The following BRD9 variants were observed in gnomAD, a reference collection of about 807,000 sequenced individuals.
BRD9 encodes the protein bromodomain-containing protein 9.
Under a neutral mutation model 68.7 loss-of-function variants are expected in BRD9, and 47 were observed. That is an observed-to-expected ratio of 0.68 (90% CI 0.54 to 0.87). The LOEUF (loss-of-function observed/expected upper bound fraction) is 0.87, where lower values mean the gene tolerates loss of function less well. Ranked by LOEUF, BRD9 falls within the 40% of genes least tolerant of loss-of-function variation. The pLI is 0.00. For synonymous variants in BRD9, 313 were observed against 293.9 expected (o/e 1.06, Z -0.67); for missense variants, 670 against 748.4 (o/e 0.90, Z 1.22).
intron 3 of BRD9, chr5:890,061 T>C (rs567911813): frequency 5.5e-5 from 19 of 344,462 alleles, no homozygotes; most frequent in Non-Finnish European, 9.7e-5. Flanking sequence ...GCCGGCGTGG[T>C]GGTGCGTGCC....
chr5:886,659 G>A lies in BRD9; in HGVS notation c.766C>T (p.Pro256Ser). 2.5e-6 allele frequency: 4 copies of A among 1,614,014 alleles called. No individual in the cohort carries two copies. Among genetic ancestry groups the A allele is most frequent in the Non-Finnish European group, 3.4e-6 (4 of 1,179,988 alleles). The change falls in exon 7 of 16, where the codon CCT becomes TCT. Residue 256 changes from proline (P) to serine (S), a missense_variant. Physicochemically the swap from Pro to Ser is moderately conservative, Grantham distance 74. Around this residue, in one of 5 missense-constraint regions of BRD9, gnomAD observed 135 missense variants for 141.2 expected, o/e 0.96. Transcript: ENST00000467963. ...TCTACTTGTACTGGTACAACTTCAG[G>A]GACAGGTTCCTCAACAGCTGTATCT... ...NEDTAVEEPV[P>S]EVVPVQVETA...
rs1289094310 is a variant in BRD9, at chr5:876,189, G to C, written c.1295C>G (p.Ala432Gly). The C allele has an allele frequency of 1.2e-6, 2 of 1,613,708 alleles. No homozygotes were observed. The highest frequency in any genetic ancestry group is 3.3e-5 in the Admixed American group (2 of 60,006). Residue 432 changes from alanine (A) to glycine (G), a missense_variant, in exon 12 of 16, where the codon GCT becomes GGT. Ala to Gly is a moderately conservative substitution (Grantham distance 60). Coordinates refer to ENST00000467963, the MANE Select transcript of BRD9 (RefSeq NM_023924.5). ...ALSLQEFVKD[A>G]GSYSKKVVDD... The stretch of plus-strand genomic sequence containing the variant: ...CACCACTTTCTTGCTGTAGCTCCCA[G>C]CATCCTTCACAAACTCCTGCAGGCT...
chr5:875,504 C>G (rs886719850), intron 12 of BRD9, among the ~76,000 whole-genome samples: 2 of 152,040 alleles, frequency 1.3e-5, no homozygotes, highest in Non-Finnish European at 2.9e-5. Flanking sequence ...CCTGCCACCA[C>G]GCCCAGCTAA....
At position 865,594 on chromosome 5, in the gene BRD9, G is replaced by C; in HGVS notation, c.1526-13C>G. 1 of 1,579,176 alleles carries C rather than the reference G, an allele frequency of 6.3e-7. No individual in the cohort carries two copies. On this transcript the variant is annotated splice_polypyrimidine_tract_variant and intron_variant, in intron 14 of 15. Coordinates refer to ENST00000467963, the MANE Select transcript of BRD9 (RefSeq NM_023924.5). The stretch of plus-strand genomic sequence containing the variant: ...TTCTTCACCTTCCCTGTGTAAACAG[G>C]ACATGACCCCACGTCGGCTGAGCTC...
In BRD9 at chr5:892,745, T is replaced by C. The variant is rs1032483275; in HGVS notation, c.-88A>G. The C allele has an allele frequency of 2.5e-6, 3 of 1,195,522 alleles. No individual in the cohort carries two copies. The highest frequency in any genetic ancestry group is 3.2e-5 in the African/African-American group (2 of 62,902). 74.1% of individuals were successfully genotyped at this position (1,195,522 alleles called of 1,614,324 possible). On this transcript the variant is annotated 5_prime_UTR_variant, in exon 1 of 16. Transcript: ENST00000467963. ...GCCGCCACCGCCCCCTGGCCCTGGCTGGCCGCCCGCGCTCGCTGCGCCGAG... is the reference window on the plus strand; with the variant it reads ...GCCGCCACCGCCCCCTGGCCCTGGCCGGCCGCCCGCGCTCGCTGCGCCGAG...
rs541660412 is a variant in BRD9 at position 892,756 on chromosome 5, G to C, written c.-99C>G. 1.7e-5 allele frequency: 20 copies of C among 1,163,070 alleles called. No individual in the cohort carries two copies. In the African/African-American group the frequency reaches 3.2e-4, roughly 19 times the overall value. 72.0% of individuals were successfully genotyped at this position (1,163,070 alleles called of 1,614,324 possible). A position where few individuals can be genotyped will look rare whatever the true frequency, so the allele number is the denominator to read the frequency against. The stretch of plus-strand genomic sequence containing the variant: ...CCCCTGGCCCTGGCTGGCCGCCCGC[G>C]CTCGCTGCGCCGAGGTTGCCGAGCT... On this transcript the variant is annotated 5_prime_UTR_variant, in exon 1 of 16. Transcript: ENST00000467963.
At chr5:889,858 T>C (rs1318252865) in intron 3 of BRD9, 1 of 1,031,764 alleles carries the variant, frequency 9.7e-7, no homozygotes, top group Non-Finnish European at 1.4e-6. Context: ...GTCATAAAAA[T>C]CTCTTGTAAT....
At chr5:881,795 G>C (rs113100724) in intron 8 of BRD9, 2,431 of 154,744 alleles carry the variant, frequency 0.016, 67 homozygotes, top group African/African-American at 0.055. Context: ...TCCCCACCGC[G>C]GATCCATGCA....
At chr5:891,456 G>A in intron 2 of BRD9, 169 bp from the exon 3 acceptor site, 2 of 1,318,216 alleles carry the variant, frequency 1.5e-6, no homozygotes, top group East Asian at 2.5e-5. Context: ...AGGGTCTGCT[G>A]AGGAACAGCA....
At position 883,853 on chromosome 5, in the gene BRD9, A is replaced by G; in HGVS notation, c.966+85T>C. ...CTCTGGATCCCGGTGGCTGTGCTAG[A>G]TCACACAGCACCAACCCAGAAGGAG... On this transcript the variant is annotated intron_variant, in intron 8 of 15. Transcript: ENST00000467963. 7 of 1,536,192 alleles carry G rather than the reference A, an allele frequency of 4.6e-6. No homozygotes were observed. In the South Asian group the frequency reaches 7.1e-5, roughly 16 times the overall value.
At chr5:882,424 C>G (rs1452321276) in intron 8 of BRD9, 1 of 160,606 alleles carries the variant, frequency 6.2e-6, no homozygotes, top group Non-Finnish European at 1.4e-5. Flanking sequence ...CAGACCACAA[C>G]TTCCCAACAC....
chr5:892,691 G>A lies in BRD9; in HGVS notation c.-34C>T, dbSNP rs1436419409. 2 of 1,377,764 alleles carry A rather than the reference G, an allele frequency of 1.5e-6. No homozygotes were observed. The highest frequency in any genetic ancestry group is 3.6e-5 in the Admixed American group (1 of 27,520). The allele number at this position is 1,377,764 out of a possible 1,614,324, so 85.3% of individuals were successfully genotyped here. A position where few individuals can be genotyped will look rare whatever the true frequency, so the allele number is the denominator to read the frequency against. On this transcript the variant is annotated 5_prime_UTR_variant, in exon 1 of 16. Coordinates refer to ENST00000467963, the MANE Select transcript of BRD9 (RefSeq NM_023924.5). Reference sequence around the variant, plus strand: ...CGGCGGCGGGCCCGAGGCGGGGGCTGGGAACAGCTGGCACCCGGTCGGACC... The same window carrying A: ...CGGCGGCGGGCCCGAGGCGGGGGCTAGGAACAGCTGGCACCCGGTCGGACC...
intron 12 of BRD9, 68 bp downstream of exon 12, chr5:876,033 G>T: frequency 9.0e-7 from 1 of 1,109,222 alleles, no homozygotes; most frequent in Non-Finnish European, 1.3e-6. Flanking sequence ...TGGTCAGGCT[G>T]CAGGCTCTTC....
intron 8 of BRD9, chr5:883,576 C>T: frequency 1.5e-5 from 6 of 393,206 alleles, no homozygotes; most frequent in Non-Finnish European, 2.9e-5. Context: ...ACACCAGCAC[C>T]CCCACTGGAA....
intron 6 of BRD9, chr5:886,913 G>C (rs1300842024): frequency 2.3e-6 from 2 of 870,950 alleles, no homozygotes; most frequent in African/African-American, 3.4e-5. Context: ...GGTGGTTGTG[G>C]GGGCTTGACC....
At chr5:889,724 C>A (rs1235755378) in intron 3 of BRD9, 77 bp from the exon 4 acceptor site, 1 of 1,589,394 alleles carries the variant, frequency 6.3e-7, no homozygotes, top group Admixed American at 1.7e-5. Context: ...TTCACAGTAT[C>A]TGTCTGTCTG....
At position 865,436 on chromosome 5, in the gene BRD9, G is replaced by C. The variant is rs373587422; in HGVS notation, c.1671C>G (p.Ser557=). The C allele has an allele frequency of 3.8e-6, 6 of 1,588,044 alleles. No homozygotes were observed. Among genetic ancestry groups the C allele is most frequent in the Non-Finnish European group, 5.2e-6 (6 of 1,163,562 alleles). The part of the protein sequence containing the change: ...SSNLSSLSNA[S]ERDQHHLGSP... Reference sequence around the variant, plus strand: ...CACCCAGGTGGTGCTGGTCCCTCTCGGAGGCGTTGGACAGGGAGCTGAGGT... The same window carrying C: ...CACCCAGGTGGTGCTGGTCCCTCTCCGAGGCGTTGGACAGGGAGCTGAGGT... The change falls in exon 15 of 16, where the codon TCC becomes TCG. Residue 557 remains serine (S), a synonymous_variant. Coordinates refer to ENST00000467963, the MANE Select transcript of BRD9 (RefSeq NM_023924.5).
Position 892,595 on chromosome 5 carries a change from C to G in BRD9, c.52+11G>C. 1 of 1,535,146 alleles carries G rather than the reference C, an allele frequency of 6.5e-7. No homozygotes were observed. Among genetic ancestry groups the G allele is most frequent in the Non-Finnish European group, 8.8e-7 (1 of 1,140,462 alleles). ...CCGCCCGCCGCGCGTCACAAAGCGC[C>G]GCCGCCTCACCCTCGTAGGACGAGC... On this transcript the variant is annotated intron_variant, in intron 1 of 15. Transcript: ENST00000467963.
chr5:890,639 A>G (rs73733995), intron 3 of BRD9, among the ~76,000 whole-genome samples: 4,583 of 152,236 alleles, frequency 0.03, 214 homozygotes, highest in African/African-American at 0.1. Flanking sequence ...CTTCAGACCC[A>G]CCATTTGGGC....
Sources: gnomAD v4.1 joint callset for allele counts (sites outside exome capture counted in the v4.1 genomes callset) on GRCh38, gnomAD v4.1.1 for gene constraint, gnomAD v4.1.1 regional missense constraint, MANE v1.5 for transcripts, NCBI Gene and HGNC (gene_info 2026-07-23, HGNC 2026-07-21) for gene names.